AKNA: variants seen among roughly 807,000 people sequenced by gnomAD.
AKNA encodes microtubule organization protein AKNA.
AKNA carries 67 observed loss-of-function variants against 138.8 expected under a neutral mutation model. The ratio of observed to expected loss-of-function variants is 0.48; its 90% confidence interval spans 0.40 to 0.59. AKNA has a LOEUF of 0.59. Ranked by LOEUF, AKNA falls within the 20% of genes least tolerant of loss-of-function variation. The pLI is 0.00. For synonymous variants in AKNA, 737 were observed against 754.4 expected (o/e 0.98, Z 0.38); for missense variants, 1,813 against 1,880.4 (o/e 0.96, Z 0.66).
chr9:114,331,705 C>G (rs371411972), downstream of AKNA: 24 of 1,596,422 alleles, frequency 1.5e-5, no homozygotes, highest in Admixed American at 4.0e-4. Context: ...CAAACTCATG[C>G]CCCTCTCAGG....
At chr9:114,366,927 C>G (rs983963359) in intron 6 of AKNA, among the ~76,000 whole-genome samples, 5 of 152,060 alleles carry the variant, frequency 3.3e-5, no homozygotes, top group Non-Finnish European at 1.5e-5. Flanking sequence ...TTACTCACTC[C>G]ACGTATTTTA....
intron 9 of AKNA, among the ~76,000 whole-genome samples, chr9:114,361,179 G>A (rs377718478): frequency 5.3e-5 from 8 of 152,230 alleles, no homozygotes; most frequent in African/African-American, 7.2e-5. Context: ...TGGGGCCCCT[G>A]CCTGCCTCTC....
At chr9:114,359,294 C>T (rs1831744466) in intron 11 of AKNA, 1 of 480,830 alleles carries the variant, frequency 2.1e-6, no homozygotes, top group Admixed American at 3.9e-5. Context: ...GTCTTGAACT[C>T]CTGGACTCAA....
At position 114,341,606 on chromosome 9, in the gene AKNA, G is replaced by T; in HGVS notation, c.3994C>A (p.Pro1332Thr). ...AAGGCTGGAGGGGCTGGTGCTGGGG[G>T]CGCTGTTGCCAGATACCACAGTCCG... ...PPGLWYLATA[P>T]PAPAPPAFAY... is the part of the protein sequence containing the mutation. Residue 1332 changes from proline to threonine, a missense_variant, in exon 21 of 22, where the codon CCC becomes ACC. Coordinates refer to ENST00000374088, the MANE Select transcript of AKNA (RefSeq NM_001317950.2). 6.2e-7 allele frequency: 1 copy of T among 1,613,938 alleles called. No individual in the cohort carries two copies. Among genetic ancestry groups the T allele is most frequent in the Non-Finnish European group, 8.5e-7 (1 of 1,179,976 alleles).
chr9:114,348,797 C>A, intron 15 of AKNA: 2 of 451,578 alleles, frequency 4.4e-6, no homozygotes, highest in Non-Finnish European at 8.9e-6. Flanking sequence ...TAGAGCCAGG[C>A]TCAGCAAAGC....
rs1460755127 is a variant in AKNA, at chr9:114,337,085, G to C, written c.4289C>G (p.Ala1430Gly). 4 of 1,583,622 alleles carry C rather than the reference G, an allele frequency of 2.5e-6. No homozygotes were observed. The highest frequency in any genetic ancestry group is 3.5e-5 in the Admixed American group (2 of 57,788). The change falls in exon 22 of 22, where the codon GCT becomes GGT. Residue 1430 changes from alanine (A) to glycine (G), a missense_variant. Transcript: ENST00000374088. ...GAGGCAGGAGCCCCGCAGGCTGTGA[G>C]CCTGGCGCAGGTCGGCTGACAGCGA... ...RSSLSADLRQ[A>G]HSLRGSCLF
At chr9:114,342,213 C>T (rs1468816933) in intron 19 of AKNA, 88 bp from the exon 20 acceptor site, 1 of 984,010 alleles carries the variant, frequency 1.0e-6, no homozygotes, top group Admixed American at 2.9e-5. Context: ...CAGCACTGAG[C>T]TCTCCTCGGG....
At chr9:114,331,115 C>A (rs574794204), downstream of AKNA, among the ~76,000 whole-genome samples, 3 of 152,248 alleles carry the variant, frequency 2.0e-5, no homozygotes, top group East Asian at 3.9e-4. Context: ...AGAATTGGAA[C>A]TCCAGGCTGG....
chr9:114,394,078 CAGG>C lies in AKNA; in HGVS notation c.-114+276_-114+278del, dbSNP rs1444119034. ...ATCCCAGCTACTCGGGAGACTGAGG[CAGG>C]AGAACTGCCTCAACCTGGGAGGCAG... is the stretch of plus-strand genomic sequence containing the variant. On this transcript the variant is annotated intron_variant, in intron 1 of 21. Coordinates refer to the AKNA transcript ENST00000307564. Among the ~76,000 whole-genome samples the C allele has an allele frequency of 1.1e-4, 17 of 151,858 alleles. 1 individual carries two copies. Among genetic ancestry groups the C allele is most frequent in the Admixed American group, 7.2e-4 (11 of 15,226 alleles).
intron 13 of AKNA, 92 bp downstream of exon 13, chr9:114,356,771 C>T: frequency 9.0e-7 from 1 of 1,116,716 alleles, no homozygotes; most frequent in Non-Finnish European, 1.3e-6. Flanking sequence ...GACAGACCAT[C>T]CTCTCTTATT....
rs1162316191 is a variant in AKNA, at chr9:114,381,153, G to T, written c.181C>A (p.Leu61Met). ...AGGGGCGGCAGGTGCTGCTGGGCCA[G>T]GCGGAAGTCCTCTAGGAGCTCGGGG... Reference protein sequence around the residue: ...TSPELLEDFRLAQQHLPPLEW... With the variant: ...TSPELLEDFRMAQQHLPPLEW... Residue 61 changes from leucine to methionine, a missense_variant, in exon 2 of 22, where the codon CTG (leucine) becomes ATG (methionine). Physicochemically the swap from Leu to Met is conservative, Grantham distance 15. Coordinates refer to ENST00000374088, the MANE Select transcript of AKNA (RefSeq NM_001317950.2). The T allele has an allele frequency of 6.2e-7, 1 of 1,613,438 alleles. No individual in the cohort carries two copies. Among genetic ancestry groups the T allele is most frequent in the Middle Eastern group, 1.6e-4 (1 of 6,082 alleles).
At chr9:114,397,739 G>A (rs982095596), upstream of AKNA, among the ~76,000 whole-genome samples, 2 of 152,124 alleles carry the variant, frequency 1.3e-5, no homozygotes, top group African/African-American at 4.8e-5. Flanking sequence ...CCCCCTCTCT[G>A]GACCTCATTC....
At chr9:114,356,223 C>A in intron 13 of AKNA, 87 bp from the exon 14 acceptor site, 1 of 1,262,574 alleles carries the variant, frequency 7.9e-7, no homozygotes, top group Admixed American at 2.4e-5. Flanking sequence ...CACATGCTAA[C>A]CCAATAAGCT....
intron 2 of AKNA, among the ~76,000 whole-genome samples, chr9:114,378,073 A>G (rs369206643): frequency 1.4e-4 from 22 of 152,158 alleles, no homozygotes; most frequent in African/African-American, 5.3e-4. Context: ...AGAAAAGCAG[A>G]ACCTTCACTA....
upstream of AKNA, among the ~76,000 whole-genome samples, chr9:114,391,555 C>T (rs1831096535): frequency 6.6e-6 from 1 of 152,148 alleles, no homozygotes; most frequent in Non-Finnish European, 1.5e-5. Context: ...ACAACAAAAA[C>T]CTCTGACTCC....
chr9:114,337,069 G>A lies in AKNA; in HGVS notation c.4305C>T (p.Gly1435=). The change falls in exon 22 of 22, where the codon GGC becomes GGT. Residue 1435 remains glycine, a synonymous_variant. Coordinates refer to ENST00000374088, the MANE Select transcript of AKNA (RefSeq NM_001317950.2). ...CCCAGTGAAGTCAGAAGAGGCAGGA[G>A]CCCCGCAGGCTGTGAGCCTGGCGCA... The part of the protein sequence containing the change: ...ADLRQAHSLR[G]SCLF 1 of 1,479,678 alleles carries A rather than the reference G, an allele frequency of 6.8e-7. No homozygotes were observed. Among genetic ancestry groups the A allele is most frequent in the Non-Finnish European group, 9.1e-7 (1 of 1,102,606 alleles). 91.7% of individuals were successfully genotyped at this position (1,479,678 alleles called of 1,614,324 possible). A position where few individuals can be genotyped will look rare whatever the true frequency, so the allele number is the denominator to read the frequency against.
chr9:114,337,013 GCCCACCCA>G lies in AKNA; in HGVS notation c.*33_*40del. On this transcript the variant is annotated 3_prime_UTR_variant, in exon 22 of 22. Transcript: ENST00000374088. ...CCACTCCTGGCCTGGCAGGCCACCT[GCCCACCCA>G]CCCACCCATCTGCCTCTGGGCCCCC... The G allele has an allele frequency of 1.7e-6, 2 of 1,185,146 alleles. No homozygotes were observed. The highest frequency in any genetic ancestry group is 2.2e-6 in the Non-Finnish European group (2 of 921,492). 73.4% of individuals were successfully genotyped at this position (1,185,146 alleles called of 1,614,324 possible). A position where few individuals can be genotyped will look rare whatever the true frequency, so the allele number is the denominator to read the frequency against.
At chr9:114,392,696 C>T (rs1412491870), upstream of AKNA, among the ~76,000 whole-genome samples, 1 of 152,236 alleles carries the variant, frequency 6.6e-6, no homozygotes, top group Non-Finnish European at 1.5e-5. Flanking sequence ...TTTTCCTCAT[C>T]CACAGCTTCC....
At chr9:114,343,858 G>A (rs1250016919) in intron 18 of AKNA, 55 bp from the exon 19 acceptor site, 30 of 1,452,246 alleles carry the variant, frequency 2.1e-5, no homozygotes, top group Non-Finnish European at 2.5e-5. Context: ...ATGCAAAATA[G>A]AGGAAGATTC....
Sources: gnomAD v4.1 joint callset for allele counts (sites outside exome capture counted in the v4.1 genomes callset) on GRCh38, gnomAD v4.1.1 for gene constraint, MANE v1.5 for transcripts, NCBI Gene and HGNC (gene_info 2026-07-23, HGNC 2026-07-21) for gene names.